CAMK1D: variants seen among roughly 807,000 people sequenced by gnomAD.
CAMK1D encodes calcium/calmodulin-dependent protein kinase type 1D.
A neutral mutation model predicts 47.7 loss-of-function variants in CAMK1D; 9 were observed. That is an observed-to-expected ratio of 0.19 (90% CI 0.11 to 0.33). CAMK1D has a LOEUF of 0.33. CAMK1D is among the 10% of genes least tolerant of loss of function. The pLI, the probability that CAMK1D is intolerant of heterozygous loss-of-function variation, is 1.00. For missense variants in CAMK1D, 291 were observed against 488.7 expected (o/e 0.60, Z 3.81); for synonymous variants, 184 against 184.9 (o/e 0.99, Z 0.04).
chr10:12,371,974 A>G (rs1838019722), intron 1 of CAMK1D, among the ~76,000 whole-genome samples: 1 of 152,108 alleles, frequency 6.6e-6, no homozygotes, highest in Non-Finnish European at 1.5e-5. Flanking sequence ...GGCTTAAAAA[A>G]TCTTTTACAT....
chr10:12,648,655 G>C (rs1230732870), intron 2 of CAMK1D, among the ~76,000 whole-genome samples: 1 of 152,038 alleles, frequency 6.6e-6, no homozygotes, highest in East Asian at 1.9e-4. Flanking sequence ...ATTTTTAGTA[G>C]AGGTGGGGTT....
chr10:12,553,606 C>G (rs1836663116), intron 2 of CAMK1D, among the ~76,000 whole-genome samples: 1 of 152,222 alleles, frequency 6.6e-6, no homozygotes, highest in Non-Finnish European at 1.5e-5. Context: ...TGCTTGTGAA[C>G]CGAGACCCTG....
chr10:12,669,155 C>T (rs1840526831), intron 3 of CAMK1D, among the ~76,000 whole-genome samples: 1 of 152,074 alleles, frequency 6.6e-6, no homozygotes, highest in African/African-American at 2.4e-5. Context: ...TCTCTTGAGC[C>T]TGGGAGGTGG....
chr10:12,673,624 T>G (rs1388542349), intron 3 of CAMK1D, among the ~76,000 whole-genome samples: 2 of 152,224 alleles, frequency 1.3e-5, no homozygotes, highest in Non-Finnish European at 2.9e-5. Flanking sequence ...TTGGTAAAAC[T>G]TTGATAGTTT....
chr10:12,398,523 A>G (rs994674670), intron 1 of CAMK1D, among the ~76,000 whole-genome samples: 1 of 151,984 alleles, frequency 6.6e-6, no homozygotes, highest in African/African-American at 2.4e-5. Flanking sequence ...TAATTTTTAT[A>G]TTTTTAGAAG....
At chr10:12,387,447 A>ATATATTATATATATTT (rs1199948222) in intron 1 of CAMK1D, among the ~76,000 whole-genome samples, 50 of 83,934 alleles carry the variant, frequency 6.0e-4, no homozygotes, top group African/African-American at 3.7e-3. Context: ...TATATATTTT[A>ATATATTATATATATTT]TATATATATA....
In CAMK1D at chr10:12,829,697, C is replaced by T. The variant is rs1423264611; in HGVS notation, c.*810C>T. 2 of 150,186 alleles carry T rather than the reference C, an allele frequency of 1.3e-5. No individual in the cohort carries two copies. Among genetic ancestry groups the T allele is most frequent in the Non-Finnish European group, 2.9e-5 (2 of 67,914 alleles). 9.3% of individuals were successfully genotyped at this position (150,186 alleles called of 1,614,324 possible). ...GCAGTGAGCTGAGATCGTGCCACTG[C>T]ACTCCAGCCTGGGTGACAGAGCAAG... On this transcript the variant is annotated 3_prime_UTR_variant, in exon 11 of 11. Transcript: ENST00000619168.
rs77921773 is a variant in CAMK1D, at chr10:12,524,834, T to G, written c.93-28391T>G. Among the ~76,000 whole-genome samples, 11 of 152,384 alleles carry G rather than the reference T, an allele frequency of 7.2e-5. No individual in the cohort carries two copies. The East Asian group carries it at 2.1e-3, about 29-fold the overall frequency. On this transcript the variant is annotated intron_variant, in intron 1 of 10. Coordinates refer to ENST00000619168, the MANE Select transcript of CAMK1D (RefSeq NM_153498.4). ...ATTTCTTTAGCTCTCTCTTTATTCT[T>G]AAAGTTCCAGGTTTTCTTTTGCCAT...
intron 2 of CAMK1D, among the ~76,000 whole-genome samples, chr10:12,583,609 T>TTTA (rs1837727442): frequency 7.9e-6 from 1 of 126,342 alleles, no homozygotes; most frequent in African/African-American, 3.2e-5. Flanking sequence ...TGTTTTATTT[T>TTTA]TTTTTTTTTT....
intron 2 of CAMK1D, among the ~76,000 whole-genome samples, chr10:12,630,388 T>TAAA (rs1554800264): frequency 2.8e-5 from 4 of 142,264 alleles, no homozygotes; most frequent in Non-Finnish European, 6.1e-5. Context: ...TTTTTTTTTT[T>TAAA]AAAAAAAAGA....
chr10:12,525,592 A>G (rs983148508), intron 1 of CAMK1D, among the ~76,000 whole-genome samples: 1 of 152,174 alleles, frequency 6.6e-6, no homozygotes, highest in African/African-American at 2.4e-5. Context: ...TACTTCTAAA[A>G]ATGTCTGTCT....
intron 2 of CAMK1D, among the ~76,000 whole-genome samples, chr10:12,560,570 AAAG>A (rs1486370326): frequency 8.6e-5 from 13 of 151,552 alleles, no homozygotes; most frequent in African/African-American, 2.4e-4. Context: ...AAAAAAAAAA[AAAG>A]AAGAAGAAGA....
chr10:12,749,465 GA>G (rs1405635196), intron 3 of CAMK1D, among the ~76,000 whole-genome samples: 2 of 115,172 alleles, frequency 1.7e-5, no homozygotes, highest in Admixed American at 1.8e-4. Context: ...AAAAAAAAAA[GA>G]AATCCATTGT....
chr10:12,808,133 G>A (rs752253530), intron 6 of CAMK1D, among the ~76,000 whole-genome samples: 5 of 152,112 alleles, frequency 3.3e-5, no homozygotes, highest in Non-Finnish European at 5.9e-5. Context: ...TGTTTCTCCC[G>A]TAAAATTCCT....
At chr10:12,459,253 G>A (rs1833353053) in intron 1 of CAMK1D, among the ~76,000 whole-genome samples, 1 of 152,144 alleles carries the variant, frequency 6.6e-6, no homozygotes, top group African/African-American at 2.4e-5. Flanking sequence ...TATGGCAGGT[G>A]ACTGTGCCCC....
chr10:12,800,871 G>A (rs987644799), intron 6 of CAMK1D, among the ~76,000 whole-genome samples: 9 of 152,200 alleles, frequency 5.9e-5, no homozygotes, highest in African/African-American at 1.9e-4. Context: ...CAGAGGCAGC[G>A]TCTCCCTCTG....
chr10:12,684,527 G>A (rs1354785746), intron 3 of CAMK1D, among the ~76,000 whole-genome samples: 1 of 152,164 alleles, frequency 6.6e-6, no homozygotes, highest in Non-Finnish European at 1.5e-5. Flanking sequence ...TATAGTAGAA[G>A]ATGATCAATT....
intron 1 of CAMK1D, among the ~76,000 whole-genome samples, chr10:12,355,308 A>G (rs1837475592): frequency 1.3e-5 from 2 of 152,168 alleles, no homozygotes; most frequent in African/African-American, 2.4e-5. Flanking sequence ...TGGGTCAAGC[A>G]CCGTCTTTTC....
chr10:12,550,131 G>A (rs1836530453), intron 1 of CAMK1D, among the ~76,000 whole-genome samples: 1 of 152,154 alleles, frequency 6.6e-6, no homozygotes, highest in African/African-American at 2.4e-5. Flanking sequence ...CCTTGGCTGT[G>A]GTCACTGCTG....
Sources: gnomAD v4.1 joint callset for allele counts (sites outside exome capture counted in the v4.1 genomes callset) on GRCh38, gnomAD v4.1.1 for gene constraint, MANE v1.5 for transcripts, NCBI Gene and HGNC (gene_info 2026-07-23, HGNC 2026-07-21) for gene names.